TNRC6A: variants seen among roughly 807,000 people sequenced by gnomAD.
TNRC6A encodes trinucleotide repeat-containing gene 6A protein.
In TNRC6A, 44 loss-of-function variants were observed where a neutral mutation model predicts 221.2. The ratio of observed to expected loss-of-function variants is 0.20; its 90% CI spans 0.16 to 0.26. The LOEUF (loss-of-function observed/expected upper bound fraction) is 0.26. TNRC6A is among the 10% of genes least tolerant of loss of function. The pLI is 1.00. For synonymous variants in TNRC6A, 847 were observed against 838.5 expected, an observed-to-expected ratio of 1.01 and a Z score of -0.18; for missense variants, 2,199 against 2,404.4, an observed-to-expected ratio of 0.91 and a Z score of 1.79.
chr16:24,782,298 C>T (rs2057867245), intron 5 of TNRC6A, among the ~76,000 whole-genome samples: 1 of 152,194 alleles, frequency 6.6e-6, no homozygotes, highest in South Asian at 2.1e-4. Context: ...GGAAGCCAGT[C>T]ATGATTCATG....
chr16:24,749,023 C>T (rs547229352), intron 2 of TNRC6A, among the ~76,000 whole-genome samples: 164 of 152,212 alleles, frequency 1.1e-3, no homozygotes, highest in Non-Finnish European at 2.0e-3. Context: ...TACAGGTGCC[C>T]GCCACCACGC....
At chr16:24,767,462 G>A (rs2057497882) in intron 4 of TNRC6A, among the ~76,000 whole-genome samples, 1 of 152,110 alleles carries the variant, frequency 6.6e-6, no homozygotes, top group Admixed American at 6.5e-5. Flanking sequence ...GTATTTTCCA[G>A]TTTCCCTTTT....
intron 2 of TNRC6A, among the ~76,000 whole-genome samples, chr16:24,673,983 T>G (rs1471507580): frequency 6.6e-6 from 1 of 152,204 alleles, no homozygotes; most frequent in African/African-American, 2.4e-5. Flanking sequence ...TCAGAAGAGC[T>G]TGGCATCAGA....
rs1456919705 is a variant in TNRC6A, at chr16:24,823,843, A to G, written c.*36A>G. 1 of 1,371,970 alleles carries G rather than the reference A, an allele frequency of 7.3e-7. No individual in the cohort carries two copies. Among genetic ancestry groups the G allele is most frequent in the Non-Finnish European group, 9.5e-7 (1 of 1,058,154 alleles). 85.0% of individuals were successfully genotyped at this position (1,371,970 alleles called of 1,614,324 possible). Reference sequence around the variant, plus strand: ...GCAGACTCACCGACCGGGACCTCAGACGCGAGGGAAAGGAGCACTAAGTGG... The same window carrying G: ...GCAGACTCACCGACCGGGACCTCAGGCGCGAGGGAAAGGAGCACTAAGTGG... On this transcript the variant is annotated 3_prime_UTR_variant, in exon 25 of 25. Coordinates refer to ENST00000395799, the MANE Select transcript of TNRC6A (RefSeq NM_014494.4). The surrounding 1 kb of genome is among the most constrained non-coding windows in gnomAD (Gnocchi z 4.3).
chr16:24,617,184 GGT>G (rs1424940666), intron 1 of TNRC6A, among the ~76,000 whole-genome samples: 1 of 151,602 alleles, frequency 6.6e-6, no homozygotes, highest in Admixed American at 6.6e-5. Context: ...GGAGTGCAGT[GGT>G]GCAATCATAG....
At chr16:24,818,961 C>T (rs949413595) in intron 21 of TNRC6A, among the ~76,000 whole-genome samples, 1 of 151,528 alleles carries the variant, frequency 6.6e-6, no homozygotes, top group African/African-American at 2.4e-5. Context: ...TAATTTAATC[C>T]AAACTAGTTC....
chr16:24,782,821 G>A lies in TNRC6A; in HGVS notation c.589+5463G>A, dbSNP rs553740655. ...CGGGAGGCAGAGCTTACAGTGAGCC[G>A]AGATCGCGCCACTGCACTCCAGCCT... On this transcript the variant is annotated intron_variant, in intron 5 of 24. Coordinates refer to ENST00000395799, the MANE Select transcript of TNRC6A (RefSeq NM_014494.4). Among the ~76,000 whole-genome samples, 22 of 152,144 alleles carry A rather than the reference G, an allele frequency of 1.4e-4. No individual in the cohort carries two copies. The South Asian group carries it at 1.5e-3, about 10-fold the overall frequency.
chr16:24,822,019 CTG>C, intron 22 of TNRC6A, 56 bp from the exon 23 acceptor site: 6 of 1,525,620 alleles, frequency 3.9e-6, no homozygotes, highest in Non-Finnish European at 5.5e-6. Flanking sequence ...TGCTAAGTAA[CTG>C]TAGTTGGGCT....
At position 24,628,150 on chromosome 16, in the gene TNRC6A, G is replaced by C. The variant is rs568532866; in HGVS notation, n.277-12734G>C. Reference sequence around the variant, plus strand: ...TCAATAAAAGTCACACTAAGGGCCAGGCTCATGCCTGTAATCCCAGCACTT... The same window carrying C: ...TCAATAAAAGTCACACTAAGGGCCACGCTCATGCCTGTAATCCCAGCACTT... On this transcript the variant is annotated intron_variant and non_coding_transcript_variant, in intron 1 of 2. Coordinates refer to the TNRC6A transcript ENST00000566108. Among the ~76,000 whole-genome samples, 12 of 152,112 alleles carry C rather than the reference G, an allele frequency of 7.9e-5. No individual in the cohort carries two copies. In the South Asian group the frequency reaches 2.1e-3, roughly 26 times the overall value.
At chr16:24,765,953 G>T (rs2057463418) in intron 4 of TNRC6A, among the ~76,000 whole-genome samples, 1 of 152,132 alleles carries the variant, frequency 6.6e-6, no homozygotes, top group South Asian at 2.1e-4. Context: ...AACAAACGTA[G>T]ATTTGTTGCT....
rs1901921285 is a variant in TNRC6A at position 24,640,984 on chromosome 16, A to T, written n.377A>T. ...CGCCAGGTGTCCTGGCTCTCAAGAC[A>T]TTCCGCTGCCCGAGGAATGGAACAG... is the stretch of plus-strand genomic sequence containing the variant. On this transcript the variant is annotated non_coding_transcript_exon_variant, in exon 2 of 3. Coordinates refer to the TNRC6A transcript ENST00000566108. 3 of 152,316 alleles carry T rather than the reference A, an allele frequency of 2.0e-5. 1 individual carries two copies. In the South Asian group the frequency reaches 6.2e-4, roughly 32 times the overall value. 9.4% of individuals were successfully genotyped at this position (152,316 alleles called of 1,614,324 possible). A position where few individuals can be genotyped will look rare whatever the true frequency, so the allele number is the denominator to read the frequency against.
Position 24,816,909 on chromosome 16 carries a change from C to T in TNRC6A, c.4925C>T (p.Ser1642Leu). 6.2e-7 allele frequency: 1 copy of T among 1,614,126 alleles called. No individual in the cohort carries two copies. The highest frequency in any genetic ancestry group is 8.5e-7 in the Non-Finnish European group (1 of 1,180,028). ...CCTGGCAGTGTCATAAACAATCTTT[C>T]AATTAATACTGTGCGGGAAGTTGAC... is the stretch of plus-strand genomic sequence containing the variant. ...VTPGSVINNL[S>L]INTVREVDHL... is the part of the protein sequence containing the mutation. The change falls in exon 20 of 25, where the codon TCA becomes TTA. Residue 1642 changes from serine (S) to leucine (L), a missense_variant. By Grantham distance (145) the Ser-to-Leu change is moderately radical (BLOSUM62 -2). Coordinates refer to ENST00000395799, the MANE Select transcript of TNRC6A (RefSeq NM_014494.4).
At chr16:24,639,107 A>C (rs983686681) in intron 1 of TNRC6A, among the ~76,000 whole-genome samples, 5 of 152,218 alleles carry the variant, frequency 3.3e-5, no homozygotes, top group Non-Finnish European at 2.9e-5. Flanking sequence ...CAAATATTTC[A>C]AGTACTTTGA....
intron 2 of TNRC6A, among the ~76,000 whole-genome samples, chr16:24,699,001 TC>T (rs2055917166): frequency 6.6e-6 from 1 of 152,060 alleles, no homozygotes. Context: ...GTGCCAACAC[TC>T]CTGGCCCTTT....
At chr16:24,648,804 A>ACCAAAC (rs1902456516) in intron 2 of TNRC6A, among the ~76,000 whole-genome samples, 1 of 152,206 alleles carries the variant, frequency 6.6e-6, no homozygotes, top group African/African-American at 2.4e-5. Context: ...AGAAAAACTT[A>ACCAAAC]TCAAACTCAC....
At chr16:24,772,958 A>G (rs1303161548) in intron 4 of TNRC6A, among the ~76,000 whole-genome samples, 2 of 152,178 alleles carry the variant, frequency 1.3e-5, no homozygotes, top group African/African-American at 4.8e-5. Context: ...CAGCTTTTCA[A>G]ACTATTTATA....
rs781068975 is a variant in TNRC6A, at chr16:24,823,411, C to T, written c.5514-21C>T. 1.1e-5 allele frequency: 18 copies of T among 1,589,764 alleles called. No individual in the cohort carries two copies. The highest frequency in any genetic ancestry group is 3.4e-4 in the Middle Eastern group (2 of 5,858). On this transcript the variant is annotated intron_variant, in intron 24 of 24. Transcript: ENST00000395799. This position sits in a 1 kb window ranked among gnomAD's most constrained non-coding sequence, Gnocchi z 4.3. ...TCCTGGTGTGCTGTCCTCACGTGTCCGCGGTGCCTCTCTCCTCTAGGTGTG... is the reference window on the plus strand; with the variant it reads ...TCCTGGTGTGCTGTCCTCACGTGTCTGCGGTGCCTCTCTCCTCTAGGTGTG...
intron 2 of TNRC6A, among the ~76,000 whole-genome samples, chr16:24,686,807 C>T (rs967519098): frequency 5.3e-5 from 8 of 152,120 alleles, no homozygotes; most frequent in Admixed American, 3.9e-4. Context: ...TTTCTGCCTG[C>T]GTTTGGATTC....
At chr16:24,732,192 G>A (rs974806607) in intron 2 of TNRC6A, among the ~76,000 whole-genome samples, 2 of 152,184 alleles carry the variant, frequency 1.3e-5, no homozygotes, top group Non-Finnish European at 2.9e-5. Flanking sequence ...AGTGTTCTGA[G>A]GAAGGAGAGA....
Sources: gnomAD v4.1 joint callset for allele counts (sites outside exome capture counted in the v4.1 genomes callset) on GRCh38, gnomAD v4.1.1 for gene constraint, Gnocchi (gnomAD v3.1) non-coding constraint, MANE v1.5 for transcripts, NCBI Gene and HGNC (gene_info 2026-07-23, HGNC 2026-07-21) for gene names.